Variants in BRD1 observed in about 807,000 individuals in gnomAD.
BRD1 encodes the protein bromodomain containing 1.
BRD1 carries 24 observed loss-of-function variants against 107.7 expected under a neutral mutation model. The ratio of observed to expected loss-of-function variants is 0.22; its 90% CI spans 0.16 to 0.31. The LOEUF is 0.31. Among genes scored for constraint, BRD1 ranks in the 10% least tolerant of loss-of-function variants. The pLI is 1.00. For missense variants in BRD1, 1,279 were observed against 1,638.6 expected (o/e 0.78, Z 3.79); for synonymous variants, 744 against 686.1 (o/e 1.08, Z -1.32).
At chr22:49,776,878 C>T (rs1450307388) in intron 10 of BRD1, among the ~76,000 whole-genome samples, 156 bp downstream of exon 10, 2 of 152,260 alleles carry the variant, frequency 1.3e-5, no homozygotes, top group Non-Finnish European at 2.9e-5. Flanking sequence ...CAGAGCCCCT[C>T]GGTGTGTGAT....
chr22:49,811,805 G>A (rs1027280438), intron 2 of BRD1, among the ~76,000 whole-genome samples: 1 of 152,228 alleles, frequency 6.6e-6, no homozygotes, highest in Non-Finnish European at 1.5e-5. Flanking sequence ...AACAGGGATG[G>A]AATGGGACAC....
rs917103614 is a variant in BRD1, at chr22:49,803,247, G to A, written c.1524+957C>T. Among the ~76,000 whole-genome samples, 10 of 152,214 alleles carry A rather than the reference G, an allele frequency of 6.6e-5. No homozygotes were observed. The highest frequency in any genetic ancestry group is 2.4e-4 in the African/African-American group (10 of 41,460). On this transcript the variant is annotated intron_variant, in intron 3 of 12. Coordinates refer to ENST00000404760, the MANE Select transcript of BRD1 (RefSeq NM_001304808.3). The surrounding 1 kb of genome is among the most constrained non-coding windows in gnomAD (Gnocchi z 4.4). ...AGACAGCACCGGCCACCGCACCACC[G>A]CACGGGGACCCAACCGTGAACCCTG...
intron 1 of BRD1, among the ~76,000 whole-genome samples, chr22:49,826,877 G>A (rs2060152959): frequency 6.6e-6 from 1 of 152,224 alleles, no homozygotes; most frequent in South Asian, 2.1e-4. Flanking sequence ...CAAGAGCCGC[G>A]TTTCCCGTGA....
intron 2 of BRD1, chr22:49,806,030 C>G (rs1211395085): frequency 2.6e-5 from 4 of 151,828 alleles, no homozygotes; most frequent in Admixed American, 2.6e-4. Context: ...CATAAGCCAC[C>G]GCTCCCGGCC....
intron 2 of BRD1, among the ~76,000 whole-genome samples, chr22:49,816,030 G>A (rs938771292): frequency 2.0e-5 from 3 of 151,754 alleles, no homozygotes; most frequent in East Asian, 1.9e-4. Context: ...GGTGCCACCC[G>A]CAGCAGCCAA....
At position 49,789,955 on chromosome 22, in the gene BRD1, G is replaced by A. The variant is rs1036862021; in HGVS notation, c.2360-2068C>T. 3.9e-5 allele frequency among the ~76,000 whole-genome samples: 6 copies of A among 152,188 alleles called. No homozygotes were observed. The South Asian group carries it at 6.2e-4, about 16-fold the overall frequency. ...CCTAACCCCTGGTCTATCCCAAAGCGGGCCCCTGTGGCCCTGTCTCAGCCA... is the reference window on the plus strand; with the variant it reads ...CCTAACCCCTGGTCTATCCCAAAGCAGGCCCCTGTGGCCCTGTCTCAGCCA... On this transcript the variant is annotated intron_variant, in intron 7 of 12. Coordinates refer to ENST00000404760, the MANE Select transcript of BRD1 (RefSeq NM_001304808.3).
intron 7 of BRD1, among the ~76,000 whole-genome samples, chr22:49,789,850 C>T (rs1201905711): frequency 6.6e-6 from 1 of 152,214 alleles, no homozygotes; most frequent in Non-Finnish European, 1.5e-5. Context: ...TCCACAACCC[C>T]TCCTCCACAC....
In BRD1 at chr22:49,787,712, T is replaced by A; in HGVS notation, c.2535A>T (p.Ala845=). 6.4e-7 allele frequency: 1 copy of A among 1,550,806 alleles called. No homozygotes were observed. The change falls in exon 8 of 13, where the codon GCA becomes GCT. Residue 845 remains alanine (A), a synonymous_variant. Coordinates refer to ENST00000404760, the MANE Select transcript of BRD1 (RefSeq NM_001304808.3). ...GCTCTGGAGGGCGTCCGCTTACCAG[T>A]GCGCTCTGAGTGCAAGCGCTATGTG... ...NESHSACTQS[A]LVSGRPPEPT...
At chr22:49,804,666 T>C (rs1487312612) in intron 2 of BRD1, among the ~76,000 whole-genome samples, 1 of 152,126 alleles carries the variant, frequency 6.6e-6, no homozygotes, top group East Asian at 1.9e-4. Context: ...CTGGCCAACA[T>C]GGTGAAACCC....
At position 49,823,850 on chromosome 22, in the gene BRD1, A is replaced by G. The variant is rs1476188919; in HGVS notation, c.468T>C (p.Tyr156=). The G allele has an allele frequency of 1.2e-6, 2 of 1,614,132 alleles. No individual in the cohort carries two copies. The change falls in exon 2 of 13, where the codon TAT becomes TAC. Residue 156 remains tyrosine, a synonymous_variant. Coordinates refer to ENST00000404760, the MANE Select transcript of BRD1 (RefSeq NM_001304808.3). ...AGGCATAGTCCTCCTCGTCCATGTC[A>G]TACTCCACCTCGTTGTCCAGTTCCT... is the stretch of plus-strand genomic sequence containing the variant. ...SAEELDNEVE[Y]DMDEEDYAWL...
At chr22:49,776,013 C>T in intron 11 of BRD1, 37 bp downstream of exon 11, 1 of 1,578,110 alleles carries the variant, frequency 6.3e-7, no homozygotes, top group Middle Eastern at 1.7e-4. Flanking sequence ...GTGTGAGCCT[C>T]CTCTGGACCC....
Position 49,783,188 on chromosome 22 carries a change from G to A in BRD1, c.2857+4202C>T, listed in dbSNP as rs1227801795. 1.3e-5 allele frequency among the ~76,000 whole-genome samples: 2 copies of A among 152,262 alleles called. No individual in the cohort carries two copies. The highest frequency in any genetic ancestry group is 2.9e-5 in the Non-Finnish European group (2 of 68,048). On this transcript the variant is annotated intron_variant, in intron 8 of 12. Transcript: ENST00000404760. The surrounding 1 kb of genome is among the most constrained non-coding windows in gnomAD (Gnocchi z 4.2). ...TGGTCAGAGACAGACCCAAGGCCCA[G>A]GACAGACGCCTGCACAAGATCCCAC...
At chr22:49,780,889 A>G (rs917087388) in intron 8 of BRD1, among the ~76,000 whole-genome samples, 36 of 152,368 alleles carry the variant, frequency 2.4e-4, no homozygotes, top group African/African-American at 8.7e-4. Flanking sequence ...TAAGGTCTGC[A>G]GAGATGGGTG....
At chr22:49,775,412 G>C in intron 12 of BRD1, 179 bp downstream of exon 12, 1 of 545,954 alleles carries the variant, frequency 1.8e-6, no homozygotes, top group Middle Eastern at 5.5e-4. Context: ...CAGTCCCGGC[G>C]AGGGGGCTGG....
chr22:49,789,212 G>A (rs1274091101), intron 7 of BRD1, among the ~76,000 whole-genome samples: 1 of 152,236 alleles, frequency 6.6e-6, no homozygotes, highest in East Asian at 1.9e-4. Flanking sequence ...TCCCAAGGCA[G>A]GGGCACATGC....
intron 2 of BRD1, among the ~76,000 whole-genome samples, chr22:49,814,037 A>G (rs1053839691): frequency 1.3e-5 from 2 of 152,076 alleles, no homozygotes; most frequent in Non-Finnish European, 2.9e-5. Flanking sequence ...ACCTTTACAC[A>G]CTGACGGGTG....
At chr22:49,796,464 C>A (rs969707001) in intron 6 of BRD1, among the ~76,000 whole-genome samples, 1 of 152,112 alleles carries the variant, frequency 6.6e-6, no homozygotes, top group Non-Finnish European at 1.5e-5. Flanking sequence ...TCAAGCGATT[C>A]TCCTGCCTCA....
chr22:49,794,068 G>A lies in BRD1; in HGVS notation c.2325C>T (p.Asp775=), dbSNP rs776509124. Residue 775 remains aspartate (D), a synonymous_variant, in exon 7 of 13, where the codon GAC becomes GAT. Coordinates refer to ENST00000404760, the MANE Select transcript of BRD1 (RefSeq NM_001304808.3). The part of the protein sequence containing the change: ...TGPGLEGFEE[D]GAALGPEAGE... ...CCGCCTCCGGCCCCAGCGCAGCTCCGTCCTCTTCGAAGCCTTCCAAGCCTG... is the reference window on the plus strand; with the variant it reads ...CCGCCTCCGGCCCCAGCGCAGCTCCATCCTCTTCGAAGCCTTCCAAGCCTG... 150 of 1,613,938 alleles carry A rather than the reference G, an allele frequency of 9.3e-5. No homozygotes were observed. Among genetic ancestry groups the A allele is most frequent in the Non-Finnish European group, 1.1e-4 (126 of 1,180,046 alleles).
rs151278112 is a variant in BRD1 at position 49,786,534 on chromosome 22, T to C, written c.2857+856A>G. On this transcript the variant is annotated intron_variant, in intron 8 of 12. Coordinates refer to ENST00000404760, the MANE Select transcript of BRD1 (RefSeq NM_001304808.3). ...GCAGGTCCTAATACCTCATCACATATGTGGCTAAGAGGGCCACATAAAACA... is the reference window on the plus strand; with the variant it reads ...GCAGGTCCTAATACCTCATCACATACGTGGCTAAGAGGGCCACATAAAACA... Among the ~76,000 whole-genome samples the C allele has an allele frequency of 3.5e-3, 535 of 152,324 alleles. 5 individuals carry two copies. The highest frequency in any genetic ancestry group is 0.012 in the African/African-American group (501 of 41,568).
Sources: allele counts gnomAD v4.1 joint callset (sites outside exome capture counted in the v4.1 genomes callset), GRCh38; gene constraint gnomAD v4.1.1; non-coding constraint Gnocchi (gnomAD v3.1); transcripts MANE v1.5; gene names NCBI Gene and HGNC (gene_info 2026-07-23, HGNC 2026-07-21).